Variants in RBFOX1 observed in about 807,000 individuals in gnomAD.
The protein encoded by RBFOX1 is RNA binding fox-1 homolog 1.
RBFOX1 carries 8 observed loss-of-function variants against 57.7 expected under a neutral mutation model. That is an observed-to-expected ratio of 0.14 (90% CI 0.08 to 0.25). The LOEUF is 0.25. Ranked by LOEUF, RBFOX1 falls within the 10% of genes least tolerant of loss-of-function variation. The pLI is 1.00. For synonymous variants in RBFOX1, 326 were observed against 222.4 expected, an observed-to-expected ratio of 1.47 and a Z score of -4.15; for missense variants, 611 against 548.5, an observed-to-expected ratio of 1.11 and a Z score of -1.14.
chr16:5,293,141 C>T (rs368755019), intron 1 of RBFOX1, among the ~76,000 whole-genome samples: 9 of 151,862 alleles, frequency 5.9e-5, no homozygotes, highest in South Asian at 2.1e-4. Context: ...GGCAACATGA[C>T]GAGACCCTAT....
At chr16:6,418,844 A>G (rs1335062413) in intron 2 of RBFOX1, among the ~76,000 whole-genome samples, 1 of 152,066 alleles carries the variant, frequency 6.6e-6, no homozygotes. Flanking sequence ...TGCAAGTTTG[A>G]TATGCTTTTC....
intron 2 of RBFOX1, among the ~76,000 whole-genome samples, chr16:5,543,054 C>T (rs765850067): frequency 2.6e-5 from 4 of 152,084 alleles, no homozygotes; most frequent in Non-Finnish European, 5.9e-5. Context: ...AATAATTAAT[C>T]ATAGAGTAAG....
intron 4 of RBFOX1, among the ~76,000 whole-genome samples, chr16:7,242,863 T>G (rs978037106): frequency 1.3e-5 from 2 of 152,186 alleles, no homozygotes; most frequent in African/African-American, 2.4e-5. Context: ...GTGAGAGAGA[T>G]ATGGAGTCTG....
intron 4 of RBFOX1, among the ~76,000 whole-genome samples, chr16:7,458,908 C>G (rs2059039302): frequency 6.6e-6 from 1 of 152,200 alleles, no homozygotes; most frequent in Non-Finnish European, 1.5e-5. Context: ...CATGTAAGCT[C>G]CAACCGGGTA....
At chr16:6,276,483 A>C (rs1293076466) in intron 1 of RBFOX1, among the ~76,000 whole-genome samples, 1 of 152,010 alleles carries the variant, frequency 6.6e-6, no homozygotes, top group Non-Finnish European at 1.5e-5. Context: ...GGATTACAGG[A>C]GTGTGCCACC....
chr16:7,085,242 C>G (rs567429358), intron 4 of RBFOX1, among the ~76,000 whole-genome samples: 10 of 152,160 alleles, frequency 6.6e-5, no homozygotes, highest in African/African-American at 9.6e-5. Flanking sequence ...TGGATTGATG[C>G]AAACTAGAGA....
intron 3 of RBFOX1, among the ~76,000 whole-genome samples, chr16:6,992,049 C>G (rs1053598458): frequency 3.9e-5 from 6 of 152,136 alleles, no homozygotes; most frequent in African/African-American, 1.4e-4. Flanking sequence ...TGGTCCACCT[C>G]TAGAAAATAT....
At chr16:7,148,965 A>G (rs1045287665) in intron 4 of RBFOX1, among the ~76,000 whole-genome samples, 1 of 152,244 alleles carries the variant, frequency 6.6e-6, no homozygotes, top group Non-Finnish European at 1.5e-5. Flanking sequence ...GCACAAAGAT[A>G]GGAAACCTGA....
At chr16:6,522,241 C>A (rs2096515737) in intron 2 of RBFOX1, among the ~76,000 whole-genome samples, 1 of 149,814 alleles carries the variant, frequency 6.7e-6, no homozygotes, top group African/African-American at 2.5e-5. Context: ...AGTAGATAAA[C>A]CTCTGCCCTA....
intron 14 of RBFOX1, among the ~76,000 whole-genome samples, chr16:7,696,857 G>C (rs112752619): frequency 6.6e-6 from 1 of 152,116 alleles, no homozygotes; most frequent in Non-Finnish European, 1.5e-5. Flanking sequence ...TAAAGTGAAC[G>C]TGTGACCCAT....
intron 4 of RBFOX1, among the ~76,000 whole-genome samples, chr16:7,276,321 G>A (rs1046430871): frequency 2.6e-5 from 4 of 152,270 alleles, no homozygotes; most frequent in African/African-American, 7.2e-5. Flanking sequence ...AAGTTTGAGT[G>A]ATGTCAGTCT....
chr16:6,978,845 C>T (rs1474538425), intron 3 of RBFOX1, among the ~76,000 whole-genome samples: 2 of 152,190 alleles, frequency 1.3e-5, no homozygotes, highest in Non-Finnish European at 2.9e-5. Context: ...CAATCCCCTT[C>T]GCGCAGAGCT....
intron 2 of RBFOX1, among the ~76,000 whole-genome samples, chr16:5,483,877 G>A (rs1047307432): frequency 1.3e-5 from 2 of 152,282 alleles, no homozygotes; most frequent in Admixed American, 6.5e-5. Flanking sequence ...CTGTAATCAC[G>A]ATGCCTGCCA....
At chr16:6,693,852 G>C (rs71374903) in intron 3 of RBFOX1, among the ~76,000 whole-genome samples, 2 of 152,112 alleles carry the variant, frequency 1.3e-5, no homozygotes, top group Non-Finnish European at 2.9e-5. Context: ...TCCTTATTCA[G>C]CAATTCTTTA....
At chr16:6,234,110 G>A (rs2097486958) in intron 1 of RBFOX1, among the ~76,000 whole-genome samples, 1 of 152,124 alleles carries the variant, frequency 6.6e-6, no homozygotes, top group South Asian at 2.1e-4. Flanking sequence ...TCCCACTCAT[G>A]AGGGGAGGAG....
At chr16:6,994,956 TG>T (rs2092037191) in intron 3 of RBFOX1, among the ~76,000 whole-genome samples, 2 of 151,842 alleles carry the variant, frequency 1.3e-5, no homozygotes, top group African/African-American at 4.8e-5. Context: ...TGTGTGTGTG[TG>T]TGTGTGTGTG....
In RBFOX1 at chr16:7,262,667, C is replaced by G. The variant is rs560055182; in HGVS notation, c.27+210569C>G. Among the ~76,000 whole-genome samples, 4 of 152,360 alleles carry G rather than the reference C, an allele frequency of 2.6e-5. No individual in the cohort carries two copies. The East Asian group carries it at 7.7e-4, about 29-fold the overall frequency. On this transcript the variant is annotated intron_variant, in intron 4 of 15. Transcript: ENST00000550418. Reference sequence around the variant, plus strand: ...GTCTCAAATACAATCTGCAATCTATCAAGGAGGGCGTGGAGGTGTCCTGAA... The same window carrying G: ...GTCTCAAATACAATCTGCAATCTATGAAGGAGGGCGTGGAGGTGTCCTGAA...
chr16:5,415,049 C>G (rs922552914), intron 1 of RBFOX1, among the ~76,000 whole-genome samples: 3 of 152,144 alleles, frequency 2.0e-5, no homozygotes, highest in African/African-American at 7.2e-5. Flanking sequence ...TTATCATTCC[C>G]ATTTTACAGA....
intron 4 of RBFOX1, among the ~76,000 whole-genome samples, chr16:5,999,137 G>T (rs2060542193): frequency 1.3e-5 from 2 of 152,160 alleles, no homozygotes; most frequent in African/African-American, 4.8e-5. Flanking sequence ...GAAACTTTCT[G>T]AACAGTCCTC....
Sources: allele counts gnomAD v4.1 joint callset (sites outside exome capture counted in the v4.1 genomes callset), GRCh38; gene constraint gnomAD v4.1.1; transcripts MANE v1.5; gene names NCBI Gene and HGNC (gene_info 2026-07-23, HGNC 2026-07-21).